The following LIPA variants were observed in gnomAD, a reference collection of about 807,000 sequenced individuals.
LIPA encodes the protein lipase A, lysosomal acid type.
A neutral mutation model predicts 40.6 loss-of-function variants in LIPA; 26 were observed. That is an observed-to-expected ratio of 0.64 (90% CI 0.47 to 0.89). The LOEUF (loss-of-function observed/expected upper bound fraction) is 0.89, where lower values mean the gene tolerates loss of function less well. Among genes scored for constraint, LIPA ranks in the 40% least tolerant of loss-of-function variants. LIPA has a pLI of 0.00. For synonymous variants in LIPA, 188 were observed against 168.4 expected, an observed-to-expected ratio of 1.12 and a Z score of -0.90; for missense variants, 455 against 479.6, an observed-to-expected ratio of 0.95 and a Z score of 0.48.
At chr10:89,320,496 G>A (rs2133532090) in intron 1 of LIPA, among the ~76,000 whole-genome samples, 1 of 152,172 alleles carries the variant, frequency 6.6e-6, no homozygotes, top group East Asian at 1.9e-4. Context: ...AAATACCCAG[G>A]AATCCAACTT....
chr10:89,296,828 C>A (rs994631517), intron 1 of LIPA, among the ~76,000 whole-genome samples: 3 of 152,104 alleles, frequency 2.0e-5, no homozygotes, highest in Non-Finnish European at 2.9e-5. Context: ...ATGATTACCC[C>A]CTTTGTGACT....
At chr10:89,369,348 C>T (rs1844079536) in intron 2 of LIPA, among the ~76,000 whole-genome samples, 1 of 152,186 alleles carries the variant, frequency 6.6e-6, no homozygotes, top group Admixed American at 6.5e-5. Flanking sequence ...CCTCTGCAAG[C>T]TTCTAGATTC....
intron 2 of LIPA, among the ~76,000 whole-genome samples, chr10:89,377,611 T>A (rs1844131262): frequency 6.6e-6 from 1 of 152,192 alleles, no homozygotes; most frequent in Non-Finnish European, 1.5e-5. Context: ...CTTCCACAAA[T>A]TGACAATGAC....
intron 1 of LIPA, among the ~76,000 whole-genome samples, chr10:89,272,085 T>TA (rs900449911): frequency 1.8e-4 from 28 of 151,888 alleles, no homozygotes; most frequent in African/African-American, 6.3e-4. Context: ...AAAAAAAATT[T>TA]AAAAAAAACT....
chr10:89,335,623 C>A (rs1843725524), intron 1 of LIPA: 1 of 151,552 alleles, frequency 6.6e-6, no homozygotes, highest in Admixed American at 6.6e-5. Flanking sequence ...CAAATACATC[C>A]AACAATACAT....
Position 89,245,804 on chromosome 10 carries a change from A to G in LIPA, c.112-11T>C. 6 of 1,356,340 alleles carry G rather than the reference A, an allele frequency of 4.4e-6. No homozygotes were observed. The highest frequency in any genetic ancestry group is 6.4e-6 in the Non-Finnish European group (6 of 944,700). 84.0% of individuals were successfully genotyped at this position (1,356,340 alleles called of 1,614,324 possible). A position where few individuals can be genotyped will look rare whatever the true frequency, so the allele number is the denominator to read the frequency against. ...AGAGATAATTTCACTCTGTAGAGAA[A>G]AAGGACGATGGAAATTGGGTGGACA... On this transcript the variant is annotated splice_polypyrimidine_tract_variant and intron_variant, in intron 2 of 9. Transcript: ENST00000336233.
chr10:89,298,407 TATCACTG>T (rs1460019155), intron 1 of LIPA, among the ~76,000 whole-genome samples: 1 of 152,158 alleles, frequency 6.6e-6, no homozygotes, highest in Non-Finnish European at 1.5e-5. Flanking sequence ...AAATCATATA[TATCACTG>T]ATCACAGCCA....
intron 2 of LIPA, chr10:89,402,231 C>T (rs1414682925): frequency 8.2e-7 from 1 of 1,226,912 alleles, no homozygotes; most frequent in South Asian, 1.4e-5. Flanking sequence ...TGACTTTTTT[C>T]TTTTAGCTGT....
At chr10:89,407,019 G>C (rs1841421354) in intron 2 of LIPA, among the ~76,000 whole-genome samples, 1 of 152,164 alleles carries the variant, frequency 6.6e-6, no homozygotes, top group Non-Finnish European at 1.5e-5. Flanking sequence ...CGGGTGTCAG[G>C]CTTTCTGGGA....
chr10:89,337,717 C>T (rs1340663996), intron 1 of LIPA, among the ~76,000 whole-genome samples: 1 of 152,160 alleles, frequency 6.6e-6, no homozygotes, highest in Non-Finnish European at 1.5e-5. Flanking sequence ...AATTGAGCAG[C>T]GTGAGAGAGA....
intron 2 of LIPA, among the ~76,000 whole-genome samples, chr10:89,355,069 C>CA (rs1380278093): frequency 6.6e-6 from 1 of 152,128 alleles, no homozygotes; most frequent in Non-Finnish European, 1.5e-5. Flanking sequence ...AAAGATGTGT[C>CA]AAAAGGCCAA....
intron 2 of LIPA, among the ~76,000 whole-genome samples, chr10:89,396,666 C>A (rs948686812): frequency 1.3e-5 from 2 of 152,186 alleles, no homozygotes; most frequent in Non-Finnish European, 2.9e-5. Flanking sequence ...CACTAGAGAT[C>A]AAATTTCCGT....
intron 3 of LIPA, among the ~76,000 whole-genome samples, chr10:89,240,375 T>C (rs1295026225): frequency 2.0e-5 from 3 of 152,156 alleles, no homozygotes; most frequent in Admixed American, 6.6e-5. Flanking sequence ...GGAGGATCAT[T>C]TGAAGCTGTA....
intron 2 of LIPA, chr10:89,393,476 T>A: frequency 2.5e-6 from 1 of 393,236 alleles, no homozygotes; most frequent in Non-Finnish European, 4.4e-6. Context: ...CTCATGCTTG[T>A]AATCCCAGCA....
At chr10:89,286,308 A>C (rs1349489959) in intron 1 of LIPA, among the ~76,000 whole-genome samples, 1 of 151,274 alleles carries the variant, frequency 6.6e-6, no homozygotes, top group Non-Finnish European at 1.5e-5. Context: ...TTTTCTACGG[A>C]CCCATCTGAC....
At chr10:89,254,164 C>G (rs556760525), upstream of LIPA, among the ~76,000 whole-genome samples, 8 of 152,350 alleles carry the variant, frequency 5.3e-5, no homozygotes, top group East Asian at 1.5e-3. Flanking sequence ...CTGTGTGAGG[C>G]CTCCAATCCC....
chr10:89,352,789 A>T (rs1057397100), intron 2 of LIPA, among the ~76,000 whole-genome samples: 71 of 18,010 alleles, frequency 3.9e-3, no homozygotes, highest in African/African-American at 0.015. Context: ...CTACAAAGAT[A>T]AAAAAAAAAA....
chr10:89,304,205 T>C (rs1843463272), intron 1 of LIPA, among the ~76,000 whole-genome samples: 1 of 152,144 alleles, frequency 6.6e-6, no homozygotes, highest in Non-Finnish European at 1.5e-5. Flanking sequence ...CATTCAAAGC[T>C]CCAAATAGGT....
intron 1 of LIPA, chr10:89,284,369 G>T (rs1305008125): frequency 1.3e-5 from 2 of 152,184 alleles, no homozygotes; most frequent in Non-Finnish European, 2.9e-5. Context: ...GCAAAGGACA[G>T]GCTGCATTTA....
Sources: gnomAD v4.1 joint callset for allele counts (sites outside exome capture counted in the v4.1 genomes callset) on GRCh38, gnomAD v4.1.1 for gene constraint, MANE v1.5 for transcripts, NCBI Gene and HGNC (gene_info 2026-07-23, HGNC 2026-07-21) for gene names.